Variants in FNIP1 observed in about 807,000 individuals in gnomAD.
The protein encoded by FNIP1 is folliculin interacting protein 1.
Under a neutral mutation model 124.5 loss-of-function variants are expected in FNIP1, and 40 were observed. That is an observed-to-expected ratio of 0.32 (90% confidence interval 0.25 to 0.42). FNIP1 has a LOEUF of 0.42. Ranked by LOEUF, FNIP1 falls within the 10% of genes least tolerant of loss-of-function variation. FNIP1 has a pLI of 1.00. For synonymous variants in FNIP1, 472 were observed against 470.6 expected, an observed-to-expected ratio of 1.00 and a Z score of -0.04; for missense variants, 1,176 against 1,403.7, an observed-to-expected ratio of 0.84 and a Z score of 2.59.
At position 131,665,317 on chromosome 5, in the gene FNIP1, T is replaced by C. The variant is rs73788728; in HGVS notation, c.3108+5146A>G. 6.4e-3 allele frequency among the ~76,000 whole-genome samples: 979 copies of C among 152,168 alleles called. 8 individuals are homozygous for C. Among genetic ancestry groups the C allele is most frequent in the African/African-American group, 0.022 (915 of 41,532 alleles). On this transcript the variant is annotated intron_variant, in intron 15 of 17. Coordinates refer to ENST00000510461, the MANE Select transcript of FNIP1 (RefSeq NM_133372.3). ...GTATAAGAATAGCTGATGGTAGAGT[T>C]AGGAAAATTTGTGTTTGGCTTTCTT...
At chr5:131,685,660 G>T (rs1433042029) in intron 11 of FNIP1, among the ~76,000 whole-genome samples, 1 of 151,856 alleles carries the variant, frequency 6.6e-6, no homozygotes, top group Non-Finnish European at 1.5e-5. Context: ...CACCATGCTG[G>T]CCAAGATGAT....
chr5:131,785,260 A>G (rs185616072), intron 1 of FNIP1, among the ~76,000 whole-genome samples: 107 of 151,136 alleles, frequency 7.1e-4, no homozygotes, highest in Middle Eastern at 3.4e-3. Context: ...TTTGAGTCAG[A>G]TTTTAACAAG....
intron 1 of FNIP1, among the ~76,000 whole-genome samples, chr5:131,745,534 A>G (rs1403389599): frequency 2.0e-5 from 3 of 152,130 alleles, no homozygotes; most frequent in Admixed American, 1.3e-4. Context: ...AATAAAAATA[A>G]AAAATAAATA....
At chr5:131,693,289 A>AATATATACATAT (rs1768545867) in intron 11 of FNIP1, among the ~76,000 whole-genome samples, 1 of 68,306 alleles carries the variant, frequency 1.5e-5, no homozygotes, top group Non-Finnish European at 2.9e-5. Context: ...GTAATAGCTA[A>AATATATACATAT]ATATATACAT....
At chr5:131,740,878 T>G (rs1187176462) in intron 2 of FNIP1, among the ~76,000 whole-genome samples, 1 of 152,164 alleles carries the variant, frequency 6.6e-6, no homozygotes, top group Admixed American at 6.5e-5. Flanking sequence ...AAAACCAAGA[T>G]GGCGACAAGA....
chr5:131,726,157 T>G (rs1769859822), intron 3 of FNIP1, among the ~76,000 whole-genome samples: 1 of 152,188 alleles, frequency 6.6e-6, no homozygotes, highest in Non-Finnish European at 1.5e-5. Flanking sequence ...GAAATTTTCT[T>G]TTTTTGTTGT....
At chr5:131,773,615 T>G (rs1348584406) in intron 1 of FNIP1, among the ~76,000 whole-genome samples, 1 of 152,208 alleles carries the variant, frequency 6.6e-6, no homozygotes, top group East Asian at 1.9e-4. Flanking sequence ...CCTAGAAAAA[T>G]GTGTTTATGC....
chr5:131,675,672 CAG>C (rs1767888549), intron 13 of FNIP1, among the ~76,000 whole-genome samples: 1 of 151,970 alleles, frequency 6.6e-6, no homozygotes, highest in Non-Finnish European at 1.5e-5. Context: ...TCTACCATGA[CAG>C]AAAGTAGGCC....
chr5:131,755,774 C>T (rs762566828), intron 1 of FNIP1, among the ~76,000 whole-genome samples: 2 of 151,890 alleles, frequency 1.3e-5, no homozygotes, highest in African/African-American at 2.4e-5. Flanking sequence ...TTTGGGAGGC[C>T]GAGGCTGGTG....
chr5:131,699,145 AT>A, intron 10 of FNIP1, 143 bp from the exon 11 acceptor site: 1 of 547,244 alleles, frequency 1.8e-6, no homozygotes, highest in Non-Finnish European at 3.0e-6. Flanking sequence ...AAGTAAATGC[AT>A]TTATTGTGGC....
At chr5:131,742,526 G>A (rs1488143124) in intron 2 of FNIP1, among the ~76,000 whole-genome samples, 2 of 152,098 alleles carry the variant, frequency 1.3e-5, no homozygotes, top group Admixed American at 1.3e-4. Flanking sequence ...TATATTAAAT[G>A]GTCAAAATAA....
intron 17 of FNIP1, among the ~76,000 whole-genome samples, chr5:131,645,552 T>A (rs993184771): frequency 3.9e-5 from 6 of 152,200 alleles, no homozygotes; most frequent in African/African-American, 1.4e-4. Context: ...AGATCAAATC[T>A]GGTAATAGCC....
At chr5:131,647,292 CA>C in intron 16 of FNIP1, 87 bp from the exon 17 acceptor site, 1 of 935,000 alleles carries the variant, frequency 1.1e-6, no homozygotes, top group Non-Finnish European at 1.7e-6. Flanking sequence ...ATGTTTTTGA[CA>C]ATTCTGTTTG....
intron 15 of FNIP1, among the ~76,000 whole-genome samples, chr5:131,653,249 A>AC (rs1246882773): frequency 6.6e-6 from 1 of 152,118 alleles, no homozygotes; most frequent in Non-Finnish European, 1.5e-5. Flanking sequence ...GAAAAAAAAA[A>AC]AATTCAGGCT....
At chr5:131,667,921 G>C (rs1422731978) in intron 15 of FNIP1, among the ~76,000 whole-genome samples, 4 of 152,158 alleles carry the variant, frequency 2.6e-5, no homozygotes, top group African/African-American at 9.7e-5. Flanking sequence ...TAAATTGAGA[G>C]GTGGCCAGAT....
chr5:131,697,995 A>AAAAAG (rs368857850), intron 11 of FNIP1, among the ~76,000 whole-genome samples: 1 of 151,202 alleles, frequency 6.6e-6, no homozygotes, highest in African/African-American at 2.4e-5. Flanking sequence ...AAAAAGAAAG[A>AAAAAG]AAAAGAAAAG....
chr5:131,778,627 C>A (rs1488154500), intron 1 of FNIP1, among the ~76,000 whole-genome samples: 6 of 117,334 alleles, frequency 5.1e-5, no homozygotes, highest in Non-Finnish European at 1.1e-4. Flanking sequence ...ACCATTTGAC[C>A]CAGCCATCCC....
chr5:131,720,203 A>G (rs1769611810), intron 3 of FNIP1, among the ~76,000 whole-genome samples: 1 of 152,236 alleles, frequency 6.6e-6, no homozygotes, highest in South Asian at 2.1e-4. Context: ...CTACATGTAT[A>G]CAGTCAACTT....
intron 1 of FNIP1, among the ~76,000 whole-genome samples, chr5:131,778,116 T>TG (rs2149582091): frequency 6.6e-6 from 1 of 152,112 alleles, no homozygotes; most frequent in East Asian, 1.9e-4. Flanking sequence ...CCCAACACTT[T>TG]GGGGGGCCCA....
Sources: gnomAD v4.1 joint callset for allele counts (sites outside exome capture counted in the v4.1 genomes callset) on GRCh38, gnomAD v4.1.1 for gene constraint, MANE v1.5 for transcripts, NCBI Gene and HGNC (gene_info 2026-07-23, HGNC 2026-07-21) for gene names.